CNTNAP4: variants seen among roughly 807,000 people sequenced by gnomAD.
CNTNAP4 encodes the protein contactin associated protein family member 4, also known as contactin-associated protein-like 4.
Under a neutral mutation model 148.4 loss-of-function variants are expected in CNTNAP4, and 98 were observed. The observed-to-expected ratio is 0.66, with a 90% CI of 0.56 to 0.78. The LOEUF is 0.78. Ranked by LOEUF, CNTNAP4 falls within the 30% of genes least tolerant of loss-of-function variation. CNTNAP4 has a pLI of 0.00. For missense variants in CNTNAP4, 1,935 were observed against 1,565.6 expected, an observed-to-expected ratio of 1.24 and a Z score of -3.98; for synonymous variants, 730 against 565.1, an observed-to-expected ratio of 1.29 and a Z score of -4.14.
intron 1 of CNTNAP4, among the ~76,000 whole-genome samples, chr16:76,285,952 G>A (rs531575917): frequency 1.0e-3 from 150 of 149,756 alleles, no homozygotes; most frequent in African/African-American, 3.6e-3. Context: ...CCCAATAGAG[G>A]GATTTCTTGG....
chr16:76,377,719 C>T (rs1194483561), intron 3 of CNTNAP4, among the ~76,000 whole-genome samples: 1 of 152,072 alleles, frequency 6.6e-6, no homozygotes, highest in Non-Finnish European at 1.5e-5. Flanking sequence ...AATGTGTTTT[C>T]TCTCCCTCAT....
At chr16:76,470,618 C>G (rs1161165310) in intron 10 of CNTNAP4, among the ~76,000 whole-genome samples, 2 of 150,626 alleles carry the variant, frequency 1.3e-5, no homozygotes, top group South Asian at 2.1e-4. Context: ...CCATTGCACT[C>G]CAGCCTGGGC....
At chr16:76,437,178 G>A (rs1418674074) in intron 4 of CNTNAP4, among the ~76,000 whole-genome samples, 1 of 151,926 alleles carries the variant, frequency 6.6e-6, no homozygotes, top group Non-Finnish European at 1.5e-5. Context: ...CCAGTCCAGC[G>A]TTTTCGTGTT....
In CNTNAP4 at chr16:76,560,433, T is replaced by G. The variant is rs770613854; in HGVS notation, c.*1750T>G. Among the ~76,000 whole-genome samples the G allele has an allele frequency of 2.0e-5, 3 of 152,206 alleles. No individual in the cohort carries two copies. Among genetic ancestry groups the G allele is most frequent in the Non-Finnish European group, 4.4e-5 (3 of 68,030 alleles). ...CTATGTTGGTAGATGGTATACTCTT[T>G]GTTTGATTGGAAGATCTATGGTGAC... On this transcript the variant is annotated 3_prime_UTR_variant, in exon 24 of 24. Transcript: ENST00000611870.
At chr16:76,435,852 A>C (rs1434591128) in intron 4 of CNTNAP4, among the ~76,000 whole-genome samples, 1 of 152,114 alleles carries the variant, frequency 6.6e-6, no homozygotes, top group African/African-American at 2.4e-5. Flanking sequence ...CAGAATACCT[A>C]CTTAGTGGGC....
Position 76,533,323 on chromosome 16 carries a change from C to A in CNTNAP4, c.2756-2222C>A, listed in dbSNP as rs564630201. ...TAAGTAAAAAGTAGAACAGAGGATACTAGAAGATGGGGAGGGTACAGGGAA... is the reference window on the plus strand; with the variant it reads ...TAAGTAAAAAGTAGAACAGAGGATAATAGAAGATGGGGAGGGTACAGGGAA... On this transcript the variant is annotated intron_variant, in intron 17 of 23. Coordinates refer to ENST00000611870, the MANE Select transcript of CNTNAP4 (RefSeq NM_033401.5). 2.6e-5 allele frequency among the ~76,000 whole-genome samples: 4 copies of A among 152,044 alleles called. No homozygotes were observed. In the East Asian group the frequency reaches 7.8e-4, roughly 29 times the overall value.
intron 15 of CNTNAP4, among the ~76,000 whole-genome samples, chr16:76,511,471 A>G (rs1370625683): frequency 6.6e-6 from 1 of 152,142 alleles, no homozygotes; most frequent in African/African-American, 2.4e-5. Flanking sequence ...GATTTGGTTA[A>G]TTTCTCTTTC....
intron 15 of CNTNAP4, among the ~76,000 whole-genome samples, chr16:76,512,022 G>A (rs1033767663): frequency 1.3e-5 from 2 of 152,012 alleles, no homozygotes; most frequent in African/African-American, 2.4e-5. Flanking sequence ...GGAATGCAAG[G>A]CACATGTCTA....
chr16:76,355,559 C>A, intron 3 of CNTNAP4, 48 bp downstream of exon 3: 1 of 1,417,360 alleles, frequency 7.1e-7, no homozygotes, highest in Non-Finnish European at 9.6e-7. Context: ...AAAGTATAAT[C>A]AGTACTGCAT....
chr16:76,353,557 C>T (rs150522191), intron 2 of CNTNAP4, among the ~76,000 whole-genome samples: 443 of 152,260 alleles, frequency 2.9e-3, no homozygotes, highest in Non-Finnish European at 5.1e-3. Context: ...ATTGCTGGGA[C>T]AGGTACCAGA....
chr16:76,315,109 T>C (rs963493818), intron 1 of CNTNAP4, among the ~76,000 whole-genome samples: 2 of 152,168 alleles, frequency 1.3e-5, no homozygotes, highest in Non-Finnish European at 2.9e-5. Context: ...GCGTGTATTA[T>C]ACTGTTGTGA....
chr16:76,367,780 C>G (rs149747345), intron 3 of CNTNAP4, among the ~76,000 whole-genome samples: 3 of 152,120 alleles, frequency 2.0e-5, no homozygotes, highest in African/African-American at 7.2e-5. Context: ...TAGTGGGTGT[C>G]GCCACCACAC....
At chr16:76,286,966 T>C (rs1390760688) in intron 1 of CNTNAP4, among the ~76,000 whole-genome samples, 1 of 152,218 alleles carries the variant, frequency 6.6e-6, no homozygotes, top group African/African-American at 2.4e-5. Context: ...ATTAGGCTCT[T>C]TTGTTTCATA....
At chr16:76,486,283 A>C (rs2082022506) in intron 12 of CNTNAP4, among the ~76,000 whole-genome samples, 1 of 151,090 alleles carries the variant, frequency 6.6e-6, no homozygotes, top group Non-Finnish European at 1.5e-5. Flanking sequence ...TACAGATATG[A>C]AAATAAAAGT....
chr16:76,498,088 A>G (rs1876720591), intron 14 of CNTNAP4, among the ~76,000 whole-genome samples: 1 of 152,310 alleles, frequency 6.6e-6, no homozygotes, highest in East Asian at 1.9e-4. Flanking sequence ...TACAAGAGAC[A>G]TTTAAATGTC....
intron 15 of CNTNAP4, among the ~76,000 whole-genome samples, chr16:76,503,227 C>T (rs2082719169): frequency 6.6e-6 from 1 of 152,264 alleles, no homozygotes; most frequent in Non-Finnish European, 1.5e-5. Context: ...GCTCTCACTA[C>T]TCCTATTCAA....
chr16:76,434,019 ATG>A (rs34039445), intron 4 of CNTNAP4, among the ~76,000 whole-genome samples: 1 of 137,744 alleles, frequency 7.3e-6, no homozygotes. Flanking sequence ...TAATATATAT[ATG>A]TGTGTGTGTG....
chr16:76,444,902 A>G (rs931613616), intron 4 of CNTNAP4, among the ~76,000 whole-genome samples: 1 of 152,118 alleles, frequency 6.6e-6, no homozygotes, highest in South Asian at 2.1e-4. Flanking sequence ...GAAATCTGTG[A>G]TGCGACTGTA....
chr16:76,522,289 G>T (rs756501549), intron 17 of CNTNAP4, 32 bp downstream of exon 17: 2 of 1,573,114 alleles, frequency 1.3e-6, no homozygotes, highest in Non-Finnish European at 8.7e-7. Flanking sequence ...TCATTTTATT[G>T]TATGATATGT....
Sources: allele counts gnomAD v4.1 joint callset (sites outside exome capture counted in the v4.1 genomes callset), GRCh38; gene constraint gnomAD v4.1.1; transcripts MANE v1.5; gene names NCBI Gene and HGNC (gene_info 2026-07-23, HGNC 2026-07-21).